Variants in ADAMTS14 observed in about 807,000 individuals in gnomAD.
ADAMTS14 encodes A disintegrin and metalloproteinase with thrombospondin motifs 14.
A neutral mutation model predicts 128.6 loss-of-function variants in ADAMTS14; 100 were observed. The ratio of observed to expected loss-of-function variants is 0.78; its 90% CI spans 0.66 to 0.92. ADAMTS14 has a LOEUF of 0.92. Ranked by LOEUF, ADAMTS14 falls within the 40% of genes least tolerant of loss-of-function variation. The pLI, the probability that ADAMTS14 is intolerant of heterozygous loss-of-function variation, is 0.00. For missense variants in ADAMTS14, 1,562 were observed against 1,658.6 expected (o/e 0.94, Z 1.01); for synonymous variants, 665 against 653.8 (o/e 1.02, Z -0.26).
rs751131063 is a variant in ADAMTS14 at position 70,674,836 on chromosome 10, G to A, written c.363G>A (p.Leu121=). Residue 121 remains leucine, a synonymous_variant, in exon 2 of 22, where the codon CTG becomes CTA. Coordinates refer to ENST00000373207, the MANE Select transcript of ADAMTS14 (RefSeq NM_080722.4). ...TCGGGAAGGAACTGCACTTGCGCCT[G>A]CGGCCCAATCGGAGGTTGGTAGTGC... is the stretch of plus-strand genomic sequence containing the variant. ...TVFGKELHLR[L]RPNRRLVVPG... 3 of 1,613,970 alleles carry A rather than the reference G, an allele frequency of 1.9e-6. No homozygotes were observed. The highest frequency in any genetic ancestry group is 1.1e-5 in the South Asian group (1 of 91,088).
chr10:70,742,560 GCCC>G, intron 12 of ADAMTS14, among the ~76,000 whole-genome samples: 1 of 152,360 alleles, frequency 6.6e-6, no homozygotes, highest in Middle Eastern at 3.4e-3. Context: ...CCAGAGCAGA[GCCC>G]AAGAGTTTCC....
chr10:70,672,752 C>G lies in ADAMTS14; in HGVS notation c.-51C>G, dbSNP rs755458037. 11 of 1,478,908 alleles carry G rather than the reference C, an allele frequency of 7.4e-6. No individual in the cohort carries two copies. In the South Asian group the frequency reaches 1.3e-4, roughly 17 times the overall value. 91.6% of individuals were successfully genotyped at this position (1,478,908 alleles called of 1,614,324 possible). On this transcript the variant is annotated 5_prime_UTR_variant, in exon 1 of 22. Transcript: ENST00000373207. ...GCACCCTAGCCTCGCCGCCCTCAGC[C>G]TGGGACTTGGGGATCGGGCGCTTGC...
intron 17 of ADAMTS14, 127 bp from the exon 18 acceptor site, chr10:70,751,968 C>CG: frequency 7.3e-7 from 1 of 1,370,562 alleles, no homozygotes; most frequent in South Asian, 1.5e-5. Flanking sequence ...CGTGGGCAGG[C>CG]GGGGGCATAG....
chr10:70,695,863 C>T (rs1377097315), intron 2 of ADAMTS14, among the ~76,000 whole-genome samples: 1 of 152,220 alleles, frequency 6.6e-6, no homozygotes, highest in Admixed American at 6.5e-5. Flanking sequence ...GTCCTGGGGA[C>T]ATGCCAGGGA....
In ADAMTS14 at chr10:70,730,156, C is replaced by T. The variant is rs775055593; in HGVS notation, c.1009C>T (p.Arg337Cys). The change falls in exon 6 of 22, where the codon CGC becomes TGC. Residue 337 changes from arginine (R) to cysteine (C), a missense_variant. Coordinates refer to ENST00000373207, the MANE Select transcript of ADAMTS14 (RefSeq NM_080722.4). ...CTCACGCAGCCTGGAGCAGGTGTGT[C>T]GCTGGGCACACTCCCAGCAGCGCCA... ...NPSRSLEQVC[R>C]WAHSQQRQDP... The T allele has an allele frequency of 3.1e-6, 5 of 1,612,784 alleles. No homozygotes were observed. Among genetic ancestry groups the T allele is most frequent in the Middle Eastern group, 1.7e-4 (1 of 5,992 alleles).
At chr10:70,722,555 C>T (rs1841304592) in intron 4 of ADAMTS14, among the ~76,000 whole-genome samples, 2 of 152,134 alleles carry the variant, frequency 1.3e-5, no homozygotes, top group Admixed American at 1.3e-4. Context: ...CCTTGGAGGT[C>T]CTTGGAGAAA....
chr10:70,735,644 C>T (rs922909273), intron 9 of ADAMTS14, among the ~76,000 whole-genome samples: 4 of 152,186 alleles, frequency 2.6e-5, no homozygotes, highest in African/African-American at 4.8e-5. Context: ...CCACACCCTC[C>T]GGGGATGTGC....
chr10:70,736,193 G>A (rs574313465), intron 9 of ADAMTS14, among the ~76,000 whole-genome samples: 3 of 152,212 alleles, frequency 2.0e-5, no homozygotes, highest in East Asian at 1.9e-4. Context: ...AATCTGAAAC[G>A]TAAGGTCATC....
chr10:70,744,032 A>G, intron 13 of ADAMTS14, 34 bp from the exon 14 acceptor site: 1 of 1,550,734 alleles, frequency 6.4e-7, no homozygotes, highest in Non-Finnish European at 8.7e-7. Flanking sequence ...GGGGCAGGGG[A>G]GCCTCCTCCC....
At chr10:70,726,714 A>G (rs1841441743) in intron 4 of ADAMTS14, among the ~76,000 whole-genome samples, 1 of 152,176 alleles carries the variant, frequency 6.6e-6, no homozygotes, top group African/African-American at 2.4e-5. Context: ...CTCAGTGATC[A>G]GCAAAGACTC....
rs1841735018 is a variant in ADAMTS14, at chr10:70,733,937, C to T, written c.1261C>T (p.Leu421=). Residue 421 remains leucine (L), a synonymous_variant, in exon 8 of 22, where the codon CTG becomes TTG. Coordinates refer to ENST00000373207, the MANE Select transcript of ADAMTS14 (RefSeq NM_080722.4). ...GAATGGCTGTGCAGATGAGACCAGC[C>T]TGGGCAGCGTCATGGCGCCCCTGGT... is the stretch of plus-strand genomic sequence containing the variant. The part of the protein sequence containing the change: ...QGNGCADETS[L]GSVMAPLVQA... 1 of 1,613,916 alleles carries T rather than the reference C, an allele frequency of 6.2e-7. No individual in the cohort carries two copies. The highest frequency in any genetic ancestry group is 1.7e-5 in the Admixed American group (1 of 60,016).
chr10:70,694,296 T>TTG (rs1375903504), intron 2 of ADAMTS14, among the ~76,000 whole-genome samples: 1 of 152,252 alleles, frequency 6.6e-6, no homozygotes, highest in Non-Finnish European at 1.5e-5. Context: ...CTCTCCGTGC[T>TTG]TGTGTATTAT....
intron 2 of ADAMTS14, among the ~76,000 whole-genome samples, chr10:70,684,301 TA>T (rs1436795407): frequency 6.6e-6 from 1 of 152,158 alleles, no homozygotes; most frequent in African/African-American, 2.4e-5. Context: ...CATTAGGGAT[TA>T]CAATTTGAAA....
chr10:70,708,797 T>C lies in ADAMTS14; in HGVS notation c.870+19T>C. 1 of 1,418,670 alleles carries C rather than the reference T, an allele frequency of 7.0e-7. No individual in the cohort carries two copies. The highest frequency in any genetic ancestry group is 9.5e-7 in the Non-Finnish European group (1 of 1,048,186). 87.9% of individuals were successfully genotyped at this position (1,418,670 alleles called of 1,614,324 possible). A position where few individuals can be genotyped will look rare whatever the true frequency, so the allele number is the denominator to read the frequency against. On this transcript the variant is annotated intron_variant, in intron 4 of 21. Coordinates refer to ENST00000373207, the MANE Select transcript of ADAMTS14 (RefSeq NM_080722.4). ...GAATATCGTGAGTGTCCATGTGTCC[T>C]AGGACTTGGGGGGAGTGGGGTGGGG...
intron 4 of ADAMTS14, among the ~76,000 whole-genome samples, chr10:70,721,019 CTTTTTTTTTTTTTT>C (rs56656736): frequency 3.6e-5 from 3 of 84,336 alleles, no homozygotes; most frequent in African/African-American, 9.8e-5. Context: ...TCTCTTTTTT[CTTTTTTTTTTTTTT>C]TTTTTTTTTG....
chr10:70,725,571 A>G (rs1841402965), intron 4 of ADAMTS14, among the ~76,000 whole-genome samples: 1 of 152,208 alleles, frequency 6.6e-6, no homozygotes, highest in African/African-American at 2.4e-5. Flanking sequence ...GTGTCCTCAC[A>G]TGGTAGAAGG....
At chr10:70,760,212 G>A in intron 21 of ADAMTS14, 148 bp from the exon 22 acceptor site, 1 of 1,032,318 alleles carries the variant, frequency 9.7e-7, no homozygotes, top group Non-Finnish European at 1.3e-6. Flanking sequence ...TGGCTCTGTA[G>A]CCCCCACCCT....
At chr10:70,711,998 G>C (rs934170606) in intron 4 of ADAMTS14, among the ~76,000 whole-genome samples, 10 of 151,998 alleles carry the variant, frequency 6.6e-5, no homozygotes, top group African/African-American at 2.4e-4. Context: ...CAGGAGCCTA[G>C]CATGTGGTTT....
chr10:70,709,780 G>A (rs958646202), intron 4 of ADAMTS14, among the ~76,000 whole-genome samples: 1 of 152,132 alleles, frequency 6.6e-6, no homozygotes. Flanking sequence ...GATTACAGGC[G>A]TGAGCCACCG....
Sources: gnomAD v4.1 joint callset for allele counts (sites outside exome capture counted in the v4.1 genomes callset) on GRCh38, gnomAD v4.1.1 for gene constraint, MANE v1.5 for transcripts, NCBI Gene and HGNC (gene_info 2026-07-23, HGNC 2026-07-21) for gene names.